The following RFWD3 variants were observed in gnomAD, a reference collection of about 807,000 sequenced individuals.
RFWD3 encodes ring finger and WD repeat domain 3, also known as E3 ubiquitin-protein ligase RFWD3.
A neutral mutation model predicts 87.7 loss-of-function variants in RFWD3; 65 were observed. The observed-to-expected ratio is 0.74, with a 90% CI of 0.61 to 0.91. RFWD3 has a LOEUF of 0.91. Among genes scored for constraint, RFWD3 ranks in the 40% least tolerant of loss-of-function variants. RFWD3 has a pLI of 0.00. For missense variants in RFWD3, 1,078 were observed against 938.5 expected (o/e 1.15, Z -1.94); for synonymous variants, 433 against 352.8 (o/e 1.23, Z -2.55).
rs1477748318 is a variant in RFWD3 at position 74,636,726 on chromosome 16, T to G, written c.1195-149A>C. On this transcript the variant is annotated intron_variant, in intron 7 of 12. Transcript: ENST00000361070. ...AGAGAACTGCAGAGTTTTTGTTTTTTTTTTTAAGACGGAGTCTCACTCTGT... is the reference window on the plus strand; with the variant it reads ...AGAGAACTGCAGAGTTTTTGTTTTTGTTTTTAAGACGGAGTCTCACTCTGT... 5.8e-6 allele frequency: 4 copies of G among 684,334 alleles called. No individual in the cohort carries two copies. The African/African-American group carries it at 7.3e-5, about 12-fold the overall frequency. The allele number at this position is 684,334 out of a possible 1,614,324, so 42.4% of individuals were successfully genotyped here. A position where few individuals can be genotyped will look rare whatever the true frequency, so the allele number is the denominator to read the frequency against.
intron 7 of RFWD3, among the ~76,000 whole-genome samples, chr16:74,636,914 C>T (rs1240295671): frequency 2.0e-5 from 3 of 151,734 alleles, no homozygotes; most frequent in Non-Finnish European, 4.4e-5. Context: ...GGTTTTACCA[C>T]GTTGGCCGGG....
In RFWD3 at chr16:74,640,145, A is replaced by AT. The variant is rs11358380; in HGVS notation, c.1080-2176dup. ...TAGCCCATTCATACATGGAAACTTA[A>AT]TTTTTTTTTTTTTTTTTGAAACAGT... is the stretch of plus-strand genomic sequence containing the variant. On this transcript the variant is annotated intron_variant, in intron 6 of 12. Transcript: ENST00000361070. 7.7e-4 allele frequency among the ~76,000 whole-genome samples: 105 copies of AT among 136,132 alleles called. No individual in the cohort carries two copies. In the Middle Eastern group the frequency reaches 0.011, roughly 14 times the overall value. 89.3% of individuals were successfully genotyped at this position (136,132 alleles called of 152,430 possible). A position where few individuals can be genotyped will look rare whatever the true frequency, so the allele number is the denominator to read the frequency against.
chr16:74,637,885 TATC>T lies in RFWD3; in HGVS notation c.1162_1164del (p.Asp388del), dbSNP rs750762455. 36 of 1,612,010 alleles carry T rather than the reference TATC, an allele frequency of 2.2e-5. No individual in the cohort carries two copies. The highest frequency in any genetic ancestry group is 2.9e-5 in the Non-Finnish European group (34 of 1,179,230). On this transcript the variant is annotated inframe_deletion, in exon 7 of 13. Coordinates refer to ENST00000361070, the MANE Select transcript of RFWD3 (RefSeq NM_018124.4). ...ACACGCCTTTGAAGCCTAGTGCACTTATCAGTGAGGACCTGCAGTTGGAGTCGG... is the reference window on the plus strand; with the variant it reads ...ACACGCCTTTGAAGCCTAGTGCACTTAGTGAGGACCTGCAGTTGGAGTCGG...
chr16:74,628,692 T>C (rs781194022), intron 10 of RFWD3, 26 bp from the exon 11 acceptor site: 1 of 1,609,870 alleles, frequency 6.2e-7, no homozygotes, highest in Admixed American at 1.7e-5. Flanking sequence ...GGAAACTGTA[T>C]CTCACACTCC....
At chr16:74,653,548 T>TA (rs1960731900) in intron 2 of RFWD3, among the ~76,000 whole-genome samples, 1 of 152,054 alleles carries the variant, frequency 6.6e-6, no homozygotes, top group East Asian at 1.9e-4. Context: ...TTTGGTGGCT[T>TA]ACGCCTATAA....
At chr16:74,658,803 T>A (rs2144331803) in intron 2 of RFWD3, among the ~76,000 whole-genome samples, 1 of 151,862 alleles carries the variant, frequency 6.6e-6, no homozygotes, top group South Asian at 2.1e-4. Flanking sequence ...GAGTCACTCT[T>A]GTCACCCAGG....
chr16:74,665,966 G>A (rs1961855746), intron 1 of RFWD3, among the ~76,000 whole-genome samples: 2 of 152,028 alleles, frequency 1.3e-5, no homozygotes, highest in Admixed American at 6.6e-5. Context: ...CCAAAGTGCT[G>A]GGATTACAGG....
chr16:74,660,781 G>T, intron 2 of RFWD3, 151 bp downstream of exon 2: 1 of 773,036 alleles, frequency 1.3e-6, no homozygotes, highest in Non-Finnish European at 2.1e-6. Context: ...GTGAAGTAAG[G>T]CAAGCACTTT....
At chr16:74,635,787 G>T (rs1192023956) in intron 8 of RFWD3, among the ~76,000 whole-genome samples, 1 of 152,184 alleles carries the variant, frequency 6.6e-6, no homozygotes, top group Non-Finnish European at 1.5e-5. Flanking sequence ...ACATCTGCAA[G>T]ATTTAGAAAT....
intron 3 of RFWD3, 99 bp downstream of exon 3, chr16:74,651,821 A>G: frequency 9.6e-7 from 1 of 1,040,880 alleles, no homozygotes; most frequent in Non-Finnish European, 1.4e-6. Flanking sequence ...TAGGGGAGAA[A>G]AGGGAAAGTG....
chr16:74,661,276 A>G lies in RFWD3; in HGVS notation c.174T>C (p.Ala58=). ...GTGTCGCTTGGCTGCTGATCACCTCAGCAGGAGCTGGCTGGAGGATGGATG... is the reference window on the plus strand; with the variant it reads ...GTGTCGCTTGGCTGCTGATCACCTCGGCAGGAGCTGGCTGGAGGATGGATG... The part of the protein sequence containing the change: ...GVPSILQPAP[A]EVISSQATPP... Residue 58 remains alanine (A), a synonymous_variant, in exon 2 of 13, where the codon GCT becomes GCC. Transcript: ENST00000361070. 5.0e-6 allele frequency: 8 copies of G among 1,614,122 alleles called. No homozygotes were observed. Among genetic ancestry groups the G allele is most frequent in the Non-Finnish European group, 6.8e-6 (8 of 1,180,030 alleles).
chr16:74,636,264 G>A, intron 8 of RFWD3, 82 bp downstream of exon 8: 9 of 1,266,270 alleles, frequency 7.1e-6, no homozygotes, highest in Non-Finnish European at 1.0e-5. Context: ...TAACCTTTGA[G>A]TCTTGAATTT....
Position 74,624,091 on chromosome 16 carries a change from G to C in RFWD3, c.2182-20C>G, listed in dbSNP as rs774953889. 2.5e-6 allele frequency: 4 copies of C among 1,611,546 alleles called. No individual in the cohort carries two copies. In the African/African-American group the frequency reaches 4.0e-5, roughly 16 times the overall value. On this transcript the variant is annotated intron_variant, in intron 12 of 12. Transcript: ENST00000361070. ...CCACAGCTAAAGAACACAAGCAGAG[G>C]GAAGGGTCAGGAGTCAGTCAGTACA...
chr16:74,632,522 C>T lies in RFWD3; in HGVS notation c.1577+1G>A. On this transcript the variant is annotated splice_donor_variant, in intron 9 of 12. Coordinates refer to ENST00000361070, the MANE Select transcript of RFWD3 (RefSeq NM_018124.4). LOFTEE classifies it high-confidence loss of function. Reference sequence around the variant, plus strand: ...TCCACCTACTTCCCCAAATCACTCACCTGGTCAGTTTAATAGTGTTGTCTA... The same window carrying T: ...TCCACCTACTTCCCCAAATCACTCATCTGGTCAGTTTAATAGTGTTGTCTA... The T allele has an allele frequency of 6.2e-7, 1 of 1,613,782 alleles. No homozygotes were observed. Among genetic ancestry groups the T allele is most frequent in the Non-Finnish European group, 8.5e-7 (1 of 1,179,788 alleles).
At chr16:74,658,925 G>A (rs368623168) in intron 2 of RFWD3, among the ~76,000 whole-genome samples, 8 of 151,998 alleles carry the variant, frequency 5.3e-5, no homozygotes, top group African/African-American at 1.7e-4. Context: ...GTGCCACCAC[G>A]CCCGGCTAAT....
At chr16:74,625,059 G>T (rs760671888) in intron 12 of RFWD3, among the ~76,000 whole-genome samples, 1 of 152,072 alleles carries the variant, frequency 6.6e-6, no homozygotes, top group African/African-American at 2.4e-5. Context: ...AGCTAGCCGG[G>T]CATGGTGGCA....
intron 2 of RFWD3, among the ~76,000 whole-genome samples, chr16:74,654,346 T>C (rs1281243002): frequency 2.0e-5 from 3 of 152,238 alleles, no homozygotes; most frequent in Non-Finnish European, 2.9e-5. Flanking sequence ...TCTTTCTGTC[T>C]GCCTGTGTTG....
intron 8 of RFWD3, among the ~76,000 whole-genome samples, chr16:74,633,458 CTAATATATACAA>C (rs1178869594): frequency 1.3e-5 from 2 of 151,650 alleles, no homozygotes; most frequent in Non-Finnish European, 2.9e-5. Flanking sequence ...GAATTAACTA[CTAATATATACAA>C]TAAAAAATTA....
At chr16:74,632,500 A>G in intron 9 of RFWD3, 23 bp downstream of exon 9, 2 of 1,613,038 alleles carry the variant, frequency 1.2e-6, no homozygotes, top group Non-Finnish European at 1.7e-6. Flanking sequence ...CCCAGTCTCC[A>G]CCTACTTCCC....
Sources: allele counts gnomAD v4.1 joint callset (sites outside exome capture counted in the v4.1 genomes callset), GRCh38; gene constraint gnomAD v4.1.1; transcripts MANE v1.5; gene names NCBI Gene and HGNC (gene_info 2026-07-23, HGNC 2026-07-21).